TMTC2: variants seen among roughly 807,000 people sequenced by gnomAD.
The protein encoded by TMTC2 is protein O-mannosyl-transferase TMTC2.
A neutral mutation model predicts 82.4 loss-of-function variants in TMTC2; 43 were observed. That is an observed-to-expected ratio of 0.52 (90% CI 0.41 to 0.67). The LOEUF is 0.67. TMTC2 is among the 30% of genes least tolerant of loss of function. The pLI is 0.00. For missense variants in TMTC2, 919 were observed against 1,012.4 expected (o/e 0.91, Z 1.25); for synonymous variants, 408 against 381.9 (o/e 1.07, Z -0.80).
At chr12:83,012,263 C>T (rs1367973136) in intron 8 of TMTC2, among the ~76,000 whole-genome samples, 1 of 149,114 alleles carries the variant, frequency 6.7e-6, no homozygotes, top group Non-Finnish European at 1.5e-5. Flanking sequence ...ACATGGTGGA[C>T]AAAAAAATGA....
At position 82,963,814 on chromosome 12, in the gene TMTC2, T is replaced by C. The variant is rs1240859890; in HGVS notation, c.1599-1210T>C. 2.7e-3 allele frequency among the ~76,000 whole-genome samples: 213 copies of C among 79,434 alleles called. 18 individuals are homozygous for C. Among genetic ancestry groups the C allele is most frequent in the East Asian group, 8.9e-3 (25 of 2,810 alleles). The allele number at this position is 79,434 out of a possible 152,430, so 52.1% of individuals were successfully genotyped here. A position where few individuals can be genotyped will look rare whatever the true frequency, so the allele number is the denominator to read the frequency against. On this transcript the variant is annotated intron_variant, in intron 4 of 11. Transcript: ENST00000321196. ...TTTCATATATATATATATATATATA[T>C]ATATATATATATATATATATATATA...
At chr12:82,901,164 A>C (rs1317449716) in intron 3 of TMTC2, among the ~76,000 whole-genome samples, 1 of 60,336 alleles carries the variant, frequency 1.7e-5, no homozygotes, top group South Asian at 6.0e-4. Flanking sequence ...GAATATATAT[A>C]TATCTGGAAT....
intron 1 of TMTC2, among the ~76,000 whole-genome samples, chr12:82,718,391 A>T (rs763133411): frequency 2.6e-5 from 4 of 152,252 alleles, no homozygotes; most frequent in Non-Finnish European, 5.9e-5. Context: ...TTATACCTGT[A>T]GATCCTCATA....
At chr12:83,097,553 G>C (rs1020913365) in intron 11 of TMTC2, among the ~76,000 whole-genome samples, 1 of 152,070 alleles carries the variant, frequency 6.6e-6, no homozygotes, top group Non-Finnish European at 1.5e-5. Context: ...CACTGCCCTA[G>C]GTGTTAGGAA....
intron 1 of TMTC2, among the ~76,000 whole-genome samples, chr12:82,802,884 C>T (rs1007969575): frequency 6.6e-6 from 1 of 152,050 alleles, no homozygotes; most frequent in Admixed American, 6.6e-5. Context: ...AGAGATGCTC[C>T]GGCGATGGAG....
At chr12:82,738,284 T>A (rs954167027) in intron 1 of TMTC2, among the ~76,000 whole-genome samples, 1 of 152,234 alleles carries the variant, frequency 6.6e-6, no homozygotes, top group East Asian at 1.9e-4. Context: ...TTACTGATGA[T>A]GAATTGGGGA....
At position 82,941,912 on chromosome 12, in the gene TMTC2, A is replaced by G. The variant is rs149476794; in HGVS notation, c.1598+11367A>G. On this transcript the variant is annotated intron_variant, in intron 4 of 11. Transcript: ENST00000321196. ...CAGATGTGCGACACCATGCCTGACTAGTTTTGTATTTTTAGTAAAGATGGG... is the reference window on the plus strand; with the variant it reads ...CAGATGTGCGACACCATGCCTGACTGGTTTTGTATTTTTAGTAAAGATGGG... Among the ~76,000 whole-genome samples the G allele has an allele frequency of 2.3e-3, 347 of 152,048 alleles. 1 individual carries two copies. The highest frequency in any genetic ancestry group is 8.0e-3 in the African/African-American group (330 of 41,488).
chr12:82,799,896 G>A (rs1365356703), intron 1 of TMTC2, among the ~76,000 whole-genome samples: 2 of 152,070 alleles, frequency 1.3e-5, no homozygotes, highest in African/African-American at 4.8e-5. Context: ...ACCATCACAT[G>A]TGCCAGCAGG....
chr12:82,903,001 C>T (rs1874101383), intron 3 of TMTC2, among the ~76,000 whole-genome samples: 2 of 152,154 alleles, frequency 1.3e-5, no homozygotes, highest in African/African-American at 4.8e-5. Context: ...CCAGCCTTTC[C>T]TTCCCTTACT....
chr12:83,107,649 T>C (rs1884456411), intron 11 of TMTC2, among the ~76,000 whole-genome samples: 2 of 152,180 alleles, frequency 1.3e-5, no homozygotes, highest in African/African-American at 4.8e-5. Flanking sequence ...TGTATGTAAG[T>C]AAACATGGAT....
intron 1 of TMTC2, among the ~76,000 whole-genome samples, chr12:82,844,306 C>T (rs898733970): frequency 1.3e-5 from 2 of 152,150 alleles, no homozygotes; most frequent in Non-Finnish European, 1.5e-5. Context: ...GAAATGTGTA[C>T]AGCACATGCG....
intron 8 of TMTC2, among the ~76,000 whole-genome samples, chr12:83,023,525 G>A (rs1199772005): frequency 2.6e-5 from 4 of 152,174 alleles, no homozygotes; most frequent in Non-Finnish European, 5.9e-5. Flanking sequence ...AAGCATAATG[G>A]TGCTCACAAA....
chr12:82,919,705 A>G (rs1425905816), intron 3 of TMTC2, among the ~76,000 whole-genome samples: 4 of 152,238 alleles, frequency 2.6e-5, no homozygotes, highest in Non-Finnish European at 5.9e-5. Flanking sequence ...AAGAGTAACT[A>G]GTCCCTACTA....
chr12:82,759,282 C>T (rs974670189), intron 1 of TMTC2: 1 of 152,032 alleles, frequency 6.6e-6, no homozygotes, highest in Admixed American at 6.6e-5. Flanking sequence ...TGTTTTGAAC[C>T]CTGCCCAATA....
At chr12:82,780,696 G>A (rs190503831) in intron 1 of TMTC2, among the ~76,000 whole-genome samples, 6 of 152,074 alleles carry the variant, frequency 3.9e-5, no homozygotes, top group Admixed American at 1.3e-4. Context: ...CTAACACTTC[G>A]TTTGGTGGTA....
At chr12:82,872,005 A>ACCCCCCCCCCCCCC (rs61305687) in intron 2 of TMTC2, among the ~76,000 whole-genome samples, 25 of 95,740 alleles carry the variant, frequency 2.6e-4, no homozygotes, top group Non-Finnish European at 3.5e-4. Flanking sequence ...GTTGAACAAC[A>ACCCCCCCCCCCCCC]CCCCCCCCCC....
chr12:82,870,319 A>C (rs542419728), intron 2 of TMTC2, among the ~76,000 whole-genome samples: 2 of 152,182 alleles, frequency 1.3e-5, no homozygotes, highest in Non-Finnish European at 2.9e-5. Context: ...TTCAGCTCAC[A>C]TTCAAATGGA....
At chr12:82,849,599 A>T (rs1870866815) in intron 1 of TMTC2, among the ~76,000 whole-genome samples, 1 of 152,142 alleles carries the variant, frequency 6.6e-6, no homozygotes, top group Non-Finnish European at 1.5e-5. Flanking sequence ...TATGAAAAAG[A>T]GATGGTTTGT....
chr12:82,985,071 T>C (rs1423688997), intron 7 of TMTC2, among the ~76,000 whole-genome samples: 1 of 152,094 alleles, frequency 6.6e-6, no homozygotes, highest in Non-Finnish European at 1.5e-5. Flanking sequence ...ATAATTTTTT[T>C]TGTTTGAGAC....
Sources: gnomAD v4.1 joint callset for allele counts (sites outside exome capture counted in the v4.1 genomes callset) on GRCh38, gnomAD v4.1.1 for gene constraint, MANE v1.5 for transcripts, NCBI Gene and HGNC (gene_info 2026-07-23, HGNC 2026-07-21) for gene names.